The following AMMECR1 variants were observed in gnomAD, a reference collection of about 807,000 sequenced individuals.
AMMECR1 encodes nuclear protein AMMECR1.
In AMMECR1, 3 loss-of-function variants were observed where a neutral mutation model predicts 22.5. The observed-to-expected ratio is 0.13, with a 90% CI of 0.06 to 0.35. The LOEUF (loss-of-function observed/expected upper bound fraction) is 0.35. Ranked by LOEUF, AMMECR1 falls within the 10% of genes least tolerant of loss-of-function variation. The pLI is 1.00. For missense variants in AMMECR1, 235 were observed against 278.7 expected (o/e 0.84, Z 1.12); for synonymous variants, 130 against 116.7 (o/e 1.11, Z -0.74).
At chrX:110,284,363 C>G (rs1018432326) in intron 1 of AMMECR1, among the ~76,000 whole-genome samples, 1 of 111,652 alleles carries the variant, frequency 9.0e-6, no homozygotes, top group Non-Finnish European at 1.9e-5. Context: ...GTCACCACAA[C>G]TGGAAGGGAA....
At chrX:110,411,866 C>T (rs2068643879) in intron 2 of AMMECR1, among the ~76,000 whole-genome samples, 1 of 112,552 alleles carries the variant, frequency 8.9e-6, no homozygotes, top group South Asian at 3.7e-4. Flanking sequence ...GTTTTGCTTA[C>T]TCACTATTAT....
rs770580408 is a variant in AMMECR1, at chrX:110,281,573, G to GT, written c.474-16975dup. Among the ~76,000 whole-genome samples, 596 of 111,857 alleles carry GT rather than the reference G, an allele frequency of 5.3e-3. 3 individuals are homozygous for GT. Among genetic ancestry groups the GT allele is most frequent in the African/African-American group, 0.019 (578 of 30,836 alleles). On this transcript the variant is annotated intron_variant, in intron 1 of 5. Coordinates refer to ENST00000262844, the MANE Select transcript of AMMECR1 (RefSeq NM_015365.3). ...CAGGCTTCCTCTCCAATCTGTCTTT[G>GT]TTTGGCCATGCCCTTACACTCCACT...
intron 2 of AMMECR1, among the ~76,000 whole-genome samples, chrX:110,343,963 T>A (rs1311386753): frequency 8.9e-6 from 1 of 111,734 alleles, no homozygotes; most frequent in Non-Finnish European, 1.9e-5. Context: ...AAGCTACCAA[T>A]GACTTTCTTC....
chrX:110,423,935 G>GT (rs1186468598), intron 2 of AMMECR1, among the ~76,000 whole-genome samples: 3 of 112,376 alleles, frequency 2.7e-5, no homozygotes, highest in Non-Finnish European at 5.6e-5. Context: ...GATGTCTGTA[G>GT]TTTTTTCATG....
chrX:110,400,655 G>C (rs1387700852), intron 2 of AMMECR1, among the ~76,000 whole-genome samples: 1 of 111,329 alleles, frequency 9.0e-6, no homozygotes, highest in Non-Finnish European at 1.9e-5. Context: ...AACAATTGCT[G>C]CTTGTCTCGC....
chrX:110,225,593 T>C (rs2067528469), intron 2 of AMMECR1, among the ~76,000 whole-genome samples: 1 of 112,378 alleles, frequency 8.9e-6, no homozygotes, highest in African/African-American at 3.2e-5. Flanking sequence ...ACTTGGGATT[T>C]TTTTGTGATT....
intron 2 of AMMECR1, among the ~76,000 whole-genome samples, chrX:110,357,042 T>C (rs1382879171): frequency 9.0e-6 from 1 of 111,724 alleles, no homozygotes; most frequent in Non-Finnish European, 1.9e-5. Flanking sequence ...TCTTCTTTCT[T>C]CAAACTAATT....
intron 2 of AMMECR1, among the ~76,000 whole-genome samples, chrX:110,362,437 A>C (rs1211816752): frequency 8.9e-6 from 1 of 112,296 alleles, no homozygotes; most frequent in East Asian, 2.8e-4. Flanking sequence ...AGAACGCTGA[A>C]ATCAGTATTT....
At chrX:110,201,606 A>G in intron 4 of AMMECR1, among the ~76,000 whole-genome samples, 1 of 111,970 alleles carries the variant, frequency 8.9e-6, no homozygotes, top group Non-Finnish European at 1.9e-5. Flanking sequence ...TACAAAGTTA[A>G]TGATACTAGG....
chrX:110,388,736 C>A (rs769960741), intron 2 of AMMECR1, among the ~76,000 whole-genome samples: 17 of 111,772 alleles, frequency 1.5e-4, no homozygotes, highest in African/African-American at 4.6e-4. Context: ...CTAACAAGTT[C>A]TCAGGTGATG....
intron 2 of AMMECR1, among the ~76,000 whole-genome samples, chrX:110,240,746 T>C (rs746557738): frequency 1.8e-5 from 2 of 111,973 alleles, no homozygotes; most frequent in African/African-American, 3.2e-5. Context: ...TCTACAGAAC[T>C]CTCCACCCCA....
chrX:110,365,673 A>G (rs1186852730), intron 2 of AMMECR1, among the ~76,000 whole-genome samples: 2 of 112,080 alleles, frequency 1.8e-5, no homozygotes, highest in African/African-American at 6.5e-5. Context: ...TGTGCAAAAC[A>G]CATTGCTTGT....
chrX:110,414,381 T>C (rs1243262544), intron 2 of AMMECR1, among the ~76,000 whole-genome samples: 4 of 112,201 alleles, frequency 3.6e-5, no homozygotes, highest in African/African-American at 1.3e-4. Flanking sequence ...CTCCATACCA[T>C]GCCAGCCTTT....
At chrX:110,229,590 A>G (rs932043603) in intron 2 of AMMECR1, among the ~76,000 whole-genome samples, 7 of 112,347 alleles carry the variant, frequency 6.2e-5, no homozygotes, top group African/African-American at 2.3e-4. Context: ...AGCATGACCA[A>G]TGCAGAAGGT....
chrX:110,308,669 C>A (rs1448460745), intron 1 of AMMECR1, among the ~76,000 whole-genome samples: 1 of 111,719 alleles, frequency 9.0e-6, no homozygotes, highest in East Asian at 2.8e-4. Context: ...CTACTCCTAA[C>A]ATCAAAGAGC....
chrX:110,372,214 G>T (rs1239859029), intron 2 of AMMECR1, among the ~76,000 whole-genome samples: 1 of 112,201 alleles, frequency 8.9e-6, no homozygotes, highest in African/African-American at 3.2e-5. Flanking sequence ...GGTGAGTATT[G>T]GTTATCTTTT....
At chrX:110,390,784 G>C (rs2068488926) in intron 2 of AMMECR1, among the ~76,000 whole-genome samples, 1 of 112,079 alleles carries the variant, frequency 8.9e-6, no homozygotes, top group Non-Finnish European at 1.9e-5. Context: ...TTTTCATCTA[G>C]AATTTGATCA....
At chrX:110,364,913 A>G (rs2068287229) in intron 2 of AMMECR1, among the ~76,000 whole-genome samples, 1 of 112,214 alleles carries the variant, frequency 8.9e-6, no homozygotes, top group Non-Finnish European at 1.9e-5. Flanking sequence ...CCTGAGCCTC[A>G]GCTCCCTGCA....
chrX:110,404,050 C>T (rs1013874538), intron 2 of AMMECR1, among the ~76,000 whole-genome samples: 10 of 112,465 alleles, frequency 8.9e-5, no homozygotes, highest in Non-Finnish European at 1.7e-4. Flanking sequence ...GAATGAAGAA[C>T]GAACAGTCTT....
Sources: allele counts gnomAD v4.1 joint callset (sites outside exome capture counted in the v4.1 genomes callset), GRCh38; gene constraint gnomAD v4.1.1; transcripts MANE v1.5; gene names NCBI Gene and HGNC (gene_info 2026-07-23, HGNC 2026-07-21).